ANO6: variants seen among roughly 807,000 people sequenced by gnomAD.
The protein encoded by ANO6 is anoctamin-6.
In ANO6, 106 loss-of-function variants were observed where a neutral mutation model predicts 117.5. The ratio of observed to expected loss-of-function variants is 0.90; its 90% CI spans 0.77 to 1.06. The LOEUF is 1.06. Among genes scored for constraint, ANO6 ranks in the 50% least tolerant of loss-of-function variants. The probability of loss-of-function intolerance (pLI) is 0.00; values close to 1 mark genes in which losing one functional copy is unlikely to be tolerated. For missense variants in ANO6, 955 were observed against 1,121.1 expected, an observed-to-expected ratio of 0.85 and a Z score of 2.12; for synonymous variants, 367 against 385.1, an observed-to-expected ratio of 0.95 and a Z score of 0.55.
chr12:45,438,199 C>T (rs1226522965), intron 19 of ANO6, among the ~76,000 whole-genome samples: 1 of 151,808 alleles, frequency 6.6e-6, no homozygotes, highest in Admixed American at 6.6e-5. Flanking sequence ...GTGATAAGGC[C>T]TGCTGTGGTT....
At chr12:45,286,255 C>T (rs1403232125) in intron 1 of ANO6, among the ~76,000 whole-genome samples, 1 of 152,138 alleles carries the variant, frequency 6.6e-6, no homozygotes, top group African/African-American at 2.4e-5. Flanking sequence ...CTGTCTCAGC[C>T]TCCTGAGTAG....
intron 1 of ANO6, among the ~76,000 whole-genome samples, chr12:45,233,396 T>G (rs999080627): frequency 3.3e-5 from 5 of 152,230 alleles, no homozygotes; most frequent in African/African-American, 1.2e-4. Flanking sequence ...TGTTATCACT[T>G]GCTGTTAAAC....
At chr12:45,308,048 ATTTTTTTTT>A (rs1218638312) in intron 2 of ANO6, among the ~76,000 whole-genome samples, 2,856 of 69,508 alleles carry the variant, frequency 0.041, 158 homozygotes, top group Admixed American at 0.17. Flanking sequence ...TGTGTGTGTA[ATTTTTTTTT>A]TTTTTTTTTT....
rs1303184421 is a variant in ANO6, at chr12:45,355,252, G to GCATTTGAAGGAATCCTCATTATTTCA, written c.864-2013_864-2012insACATTTGAAGGAATCCTCATTATTTC. Among the ~76,000 whole-genome samples the GCATTTGAAGGAATCCTCATTATTTCA allele has an allele frequency of 2.6e-5, 4 of 152,220 alleles. No individual in the cohort carries two copies. The East Asian group carries it at 5.8e-4, about 22-fold the overall frequency. ...AGAGGGACAATGATCAGAAAATATT[G>GCATTTGAAGGAATCCTCATTATTTCA]CATTTGAAGGAATCCTCATTATTTC... On this transcript the variant is annotated intron_variant, in intron 7 of 19. Coordinates refer to ENST00000320560, the MANE Select transcript of ANO6 (RefSeq NM_001025356.3).
intron 9 of ANO6, among the ~76,000 whole-genome samples, chr12:45,369,942 G>A (rs895047103): frequency 6.6e-6 from 1 of 152,090 alleles, no homozygotes; most frequent in Non-Finnish European, 1.5e-5. Context: ...ATAAAATTTT[G>A]ACTTTGCTGC....
intron 1 of ANO6, among the ~76,000 whole-genome samples, chr12:45,274,751 G>C (rs1290143940): frequency 6.7e-6 from 1 of 150,152 alleles, no homozygotes. Context: ...CTGTGCTCTA[G>C]CCACACCTGT....
chr12:45,337,532 A>G (rs757055225), intron 3 of ANO6, among the ~76,000 whole-genome samples: 37 of 152,126 alleles, frequency 2.4e-4, no homozygotes, highest in Non-Finnish European at 4.7e-4. Flanking sequence ...TTGTTAAGCA[A>G]TGCATGAATG....
intron 2 of ANO6, among the ~76,000 whole-genome samples, chr12:45,319,096 A>G (rs1046249840): frequency 2.0e-5 from 3 of 152,146 alleles, no homozygotes; most frequent in African/African-American, 7.2e-5. Context: ...TCCTAATTGA[A>G]TGTCCTTTAT....
At position 45,432,272 on chromosome 12, in the gene ANO6, T is replaced by A. The variant is rs147265794; in HGVS notation, c.*2961T>A. ...TGTGCATTTTAATATTCTTTTATAA[T>A]TATTAATGTTAATTTCTGTGCATTT... On this transcript the variant is annotated 3_prime_UTR_variant, in exon 20 of 20. Coordinates refer to ENST00000320560, the MANE Select transcript of ANO6 (RefSeq NM_001025356.3). 9.5e-3 allele frequency: 8,893 copies of A among 938,468 alleles called. 50 individuals carry two copies. Among genetic ancestry groups the A allele is most frequent in the Non-Finnish European group, 0.011 (8,396 of 788,022 alleles). The allele number at this position is 938,468 out of a possible 1,614,324, so 58.1% of individuals were successfully genotyped here. A position where few individuals can be genotyped will look rare whatever the true frequency, so the allele number is the denominator to read the frequency against.
chr12:45,387,836 T>G (rs1942339055), intron 10 of ANO6, among the ~76,000 whole-genome samples: 1 of 152,166 alleles, frequency 6.6e-6, no homozygotes, highest in African/African-American at 2.4e-5. Context: ...CCTGTTCTCA[T>G]GATAGTGAGT....
chr12:45,364,612 A>G (rs1235999650), intron 8 of ANO6, among the ~76,000 whole-genome samples: 2 of 151,854 alleles, frequency 1.3e-5, no homozygotes, highest in East Asian at 3.9e-4. Context: ...TATTTTAGTT[A>G]TTGTACTTTG....
chr12:45,274,404 T>G (rs1938483044), intron 1 of ANO6, among the ~76,000 whole-genome samples: 1 of 152,130 alleles, frequency 6.6e-6, no homozygotes, highest in Non-Finnish European at 1.5e-5. Flanking sequence ...ACCTAGTCAC[T>G]CAGGCCCCAA....
At chr12:45,271,514 A>T (rs1452510799) in intron 1 of ANO6, among the ~76,000 whole-genome samples, 1 of 152,248 alleles carries the variant, frequency 6.6e-6, no homozygotes, top group Admixed American at 6.5e-5. Context: ...GTATAGCTGA[A>T]TTAAATCCTT....
In ANO6 at chr12:45,293,729, G is replaced by GTTTT. The variant is rs138396024; in HGVS notation, c.71-8261_71-8258dup. Among the ~76,000 whole-genome samples, 160 of 48,392 alleles carry GTTTT rather than the reference G, an allele frequency of 3.3e-3. 19 individuals carry two copies. Among genetic ancestry groups the GTTTT allele is most frequent in the African/African-American group, 8.0e-3 (98 of 12,226 alleles). 31.7% of individuals were successfully genotyped at this position (48,392 alleles called of 152,430 possible). A position where few individuals can be genotyped will look rare whatever the true frequency, so the allele number is the denominator to read the frequency against. ...GTGCCTGCCACCATGCCTGGCTAAT[G>GTTTT]TTTTTTTTTTTTTTTTTTTTTTTTT... On this transcript the variant is annotated intron_variant, in intron 1 of 19. Coordinates refer to ENST00000320560, the MANE Select transcript of ANO6 (RefSeq NM_001025356.3).
chr12:45,361,998 G>A (rs899187355), intron 8 of ANO6, among the ~76,000 whole-genome samples: 4 of 152,012 alleles, frequency 2.6e-5, no homozygotes, highest in Middle Eastern at 3.2e-3. Flanking sequence ...AATACCAGTC[G>A]CATAGAATGA....
At chr12:45,373,536 T>C (rs1429992072) in intron 9 of ANO6, among the ~76,000 whole-genome samples, 1 of 152,110 alleles carries the variant, frequency 6.6e-6, no homozygotes, top group African/African-American at 2.4e-5. Context: ...GCAATAAAAC[T>C]AGAACTCAGG....
At chr12:45,237,370 G>A (rs1001427634) in intron 1 of ANO6, among the ~76,000 whole-genome samples, 1 of 152,188 alleles carries the variant, frequency 6.6e-6, no homozygotes, top group Non-Finnish European at 1.5e-5. Context: ...TCTAACTTAA[G>A]TCTTTAATCC....
intron 1 of ANO6, among the ~76,000 whole-genome samples, chr12:45,261,019 TG>T (rs1938013700): frequency 6.6e-6 from 1 of 152,050 alleles, no homozygotes; most frequent in Non-Finnish European, 1.5e-5. Context: ...GGGGTCTTGC[TG>T]TGTTGCCCAG....
At chr12:45,345,284 A>G (rs1348878862) in intron 3 of ANO6, among the ~76,000 whole-genome samples, 1 of 152,174 alleles carries the variant, frequency 6.6e-6, no homozygotes, top group Non-Finnish European at 1.5e-5. Flanking sequence ...AATACCAGGT[A>G]TATTCTTTTA....
Sources: gnomAD v4.1 joint callset for allele counts (sites outside exome capture counted in the v4.1 genomes callset) on GRCh38, gnomAD v4.1.1 for gene constraint, MANE v1.5 for transcripts, NCBI Gene and HGNC (gene_info 2026-07-23, HGNC 2026-07-21) for gene names.